Variants in FAM107A observed in about 807,000 individuals in gnomAD.
FAM107A encodes the protein family with sequence similarity 107 member A, also known as actin-associated protein FAM107A.
A neutral mutation model predicts 13.7 loss-of-function variants in FAM107A; 19 were observed. That is an observed-to-expected ratio of 1.38 (90% CI 0.97 to 2.03). FAM107A has a LOEUF of 2.03. FAM107A is among the 30% of genes most tolerant of loss of function. The pLI, the probability that FAM107A is intolerant of heterozygous loss-of-function variation, is 0.00. For synonymous variants in FAM107A, 82 were observed against 74.5 expected (o/e 1.10, Z -0.52); for missense variants, 203 against 184.4 (o/e 1.10, Z -0.58).
In FAM107A at chr3:58,617,743, C is replaced by G. The variant is rs1279583027; in HGVS notation, c.-70+9673G>C. Among the ~76,000 whole-genome samples the G allele has an allele frequency of 6.6e-6, 1 of 152,172 alleles. No homozygotes were observed. Among genetic ancestry groups the G allele is most frequent in the Non-Finnish European group, 1.5e-5 (1 of 68,040 alleles). On this transcript the variant is annotated intron_variant, in intron 1 of 3. Transcript: ENST00000465970. This position sits in a 1 kb window ranked among gnomAD's most constrained non-coding sequence, Gnocchi z 4.5. ...TTAAATTCTCCTGAACTTTAGGCCC[C>G]TCTTCAGTGCTACTCCCAGGGGAGT...
intron 1 of FAM107A, among the ~76,000 whole-genome samples, chr3:58,582,769 A>G (rs2065562338): frequency 1.3e-5 from 2 of 152,184 alleles, no homozygotes; most frequent in Admixed American, 1.3e-4. Context: ...GGCAACTATT[A>G]TTTTGATAAC....
At chr3:58,582,048 G>A (rs1575445382), upstream of FAM107A, among the ~76,000 whole-genome samples, 1 of 152,132 alleles carries the variant, frequency 6.6e-6, no homozygotes, top group Non-Finnish European at 1.5e-5. Flanking sequence ...GTATGTGTGC[G>A]CGCATGCATG....
chr3:58,591,194 G>A (rs1256748126), upstream of FAM107A, among the ~76,000 whole-genome samples: 1 of 152,174 alleles, frequency 6.6e-6, no homozygotes, highest in African/African-American at 2.4e-5. This position sits in a 1 kb window ranked among gnomAD's most constrained non-coding sequence, Gnocchi z 4.3. Flanking sequence ...GAGAGACGCT[G>A]GGAAAAAGGG....
chr3:58,599,236 C>A (rs553081732), intron 1 of FAM107A, among the ~76,000 whole-genome samples: 12 of 152,212 alleles, frequency 7.9e-5, no homozygotes, highest in Admixed American at 7.9e-4. Context: ...GCCATCGCAC[C>A]TAGCCTCAAT....
intron 3 of FAM107A, chr3:58,566,995 G>T: frequency 1.6e-6 from 1 of 629,574 alleles, no homozygotes; most frequent in Non-Finnish European, 2.8e-6. Flanking sequence ...AGTACACTGG[G>T]CCAGTGAGGA....
At chr3:58,586,122 G>C (rs2065602979) in intron 1 of FAM107A, among the ~76,000 whole-genome samples, 1 of 143,442 alleles carries the variant, frequency 7.0e-6, no homozygotes, top group Non-Finnish European at 1.6e-5. Context: ...CTGGACAGCA[G>C]ACCTCCTTCA....
chr3:58,618,032 A>G (rs2065919656), intron 1 of FAM107A, among the ~76,000 whole-genome samples: 1 of 152,200 alleles, frequency 6.6e-6, no homozygotes, highest in South Asian at 2.1e-4. Context: ...AAATGGGGAC[A>G]TCGATACCTT....
chr3:58,567,764 G>A (rs2063637507), intron 2 of FAM107A, among the ~76,000 whole-genome samples: 1 of 152,174 alleles, frequency 6.6e-6, no homozygotes, highest in Non-Finnish European at 1.5e-5. Context: ...CCTCTGAACA[G>A]TGTACAAGAG....
chr3:58,611,280 GC>G (rs2065851822), intron 1 of FAM107A, among the ~76,000 whole-genome samples: 1 of 152,168 alleles, frequency 6.6e-6, no homozygotes, highest in Non-Finnish European at 1.5e-5. Flanking sequence ...CCTGCCAGGG[GC>G]CCCCAACACC....
At chr3:58,626,392 GATA>G (rs2066017712) in intron 1 of FAM107A, among the ~76,000 whole-genome samples, 1 of 152,174 alleles carries the variant, frequency 6.6e-6, no homozygotes, top group Non-Finnish European at 1.5e-5. Flanking sequence ...GAAGGTGAGG[GATA>G]ATAACATGAA....
chr3:58,627,354 G>A lies in FAM107A; in HGVS notation c.-70+62C>T, dbSNP rs967126478. The A allele has an allele frequency of 3.2e-5, 9 of 277,798 alleles. No individual in the cohort carries two copies. In the East Asian group the frequency reaches 4.8e-4, roughly 15 times the overall value. 17.2% of individuals were successfully genotyped at this position (277,798 alleles called of 1,614,324 possible). ...TGGGGCAGTCCTCTCATCACACACC[G>A]GTAGCTCAGGCGCGGCGGGTGACCT... On this transcript the variant is annotated intron_variant, in intron 1 of 3. Coordinates refer to the FAM107A transcript ENST00000465970.
chr3:58,580,821 T>C (rs1490897234), upstream of FAM107A, among the ~76,000 whole-genome samples: 4 of 152,078 alleles, frequency 2.6e-5, no homozygotes, highest in Non-Finnish European at 5.9e-5. Flanking sequence ...TGCATTTCTG[T>C]GATGTTTGCG....
At chr3:58,583,672 T>G (rs933595343) in intron 1 of FAM107A, among the ~76,000 whole-genome samples, 6 of 152,032 alleles carry the variant, frequency 3.9e-5, no homozygotes, top group African/African-American at 1.5e-4. Context: ...TTTTTCTTTT[T>G]CTTTTTCTTT....
In FAM107A at chr3:58,569,678, G is replaced by A. The variant is rs1387009053; in HGVS notation, c.170+13C>T. The A allele has an allele frequency of 1.9e-6, 3 of 1,607,590 alleles. No individual in the cohort carries two copies. The highest frequency in any genetic ancestry group is 1.1e-5 in the South Asian group (1 of 90,372). On this transcript the variant is annotated intron_variant, in intron 2 of 3. Transcript: ENST00000360997. This position sits in a 1 kb window ranked among gnomAD's most constrained non-coding sequence, Gnocchi z 5.7. ...GTGCTTGCGGGGCCCAGGCAGCAGG[G>A]CTTCATCCCTACCTTCTGTGGTTCA...
chr3:58,616,309 C>G (rs1381157917), intron 1 of FAM107A, among the ~76,000 whole-genome samples: 4 of 151,806 alleles, frequency 2.6e-5, no homozygotes, highest in Non-Finnish European at 5.9e-5. Context: ...TTCAGGTGCC[C>G]GAGAAGAATG....
chr3:58,569,779 G>A lies in FAM107A; in HGVS notation c.82C>T (p.Leu28Phe). Residue 28 changes from leucine (L) to phenylalanine (F), a missense_variant, in exon 2 of 4, where the codon CTC becomes TTC. Leu to Phe is a conservative substitution (Grantham distance 22). Coordinates refer to ENST00000360997, the MANE Select transcript of FAM107A (RefSeq NM_001076778.3). This position sits in a 1 kb window ranked among gnomAD's most constrained non-coding sequence, Gnocchi z 5.7. ...TTCAGCAGCTTCTTGGGCTTGATGA[G>A]CTCCGGATTCCACTCTCTGTATTCT... ...RPEYREWNPE[L>F]IKPKKLLNPV... The A allele has an allele frequency of 1.2e-6, 2 of 1,614,094 alleles. No homozygotes were observed. Among genetic ancestry groups the A allele is most frequent in the Non-Finnish European group, 1.7e-6 (2 of 1,179,958 alleles).
chr3:58,603,964 G>A (rs2065772645), intron 1 of FAM107A, among the ~76,000 whole-genome samples: 1 of 152,166 alleles, frequency 6.6e-6, no homozygotes, highest in South Asian at 2.1e-4. Flanking sequence ...GAGCCCTGAA[G>A]CTGGACTACT....
chr3:58,571,278 G>A (rs2063681025), intron 1 of FAM107A, among the ~76,000 whole-genome samples: 1 of 152,206 alleles, frequency 6.6e-6, no homozygotes. Context: ...GTTAGGAGGA[G>A]CAAGTAAGAC....
chr3:58,610,718 G>A (rs1037710727), intron 1 of FAM107A, among the ~76,000 whole-genome samples: 3 of 152,194 alleles, frequency 2.0e-5, no homozygotes, highest in Non-Finnish European at 4.4e-5. Context: ...ATTTCCAAGG[G>A]CCACCCTCTT....
Sources: allele counts gnomAD v4.1 joint callset (sites outside exome capture counted in the v4.1 genomes callset), GRCh38; gene constraint gnomAD v4.1.1; non-coding constraint Gnocchi (gnomAD v3.1); transcripts MANE v1.5; gene names NCBI Gene and HGNC (gene_info 2026-07-23, HGNC 2026-07-21).